ERBIN: variants seen among roughly 807,000 people sequenced by gnomAD.
ERBIN encodes densin-180-like protein.
Under a neutral mutation model 158.4 loss-of-function variants are expected in ERBIN, and 60 were observed. That is an observed-to-expected ratio of 0.38 (90% CI 0.31 to 0.47). The LOEUF (loss-of-function observed/expected upper bound fraction) is 0.47, where lower values mean the gene tolerates loss of function less well. Among genes scored for constraint, ERBIN ranks in the 20% least tolerant of loss-of-function variants. ERBIN has a pLI of 0.99. For missense variants in ERBIN, 1,610 were observed against 1,648.0 expected, an observed-to-expected ratio of 0.98 and a Z score of 0.40; for synonymous variants, 594 against 557.2, an observed-to-expected ratio of 1.07 and a Z score of -0.93.
intron 4 of ERBIN, among the ~76,000 whole-genome samples, chr5:65,999,558 A>C (rs944330476): frequency 2.0e-5 from 3 of 151,912 alleles, no homozygotes; most frequent in African/African-American, 7.3e-5. Flanking sequence ...GCTCTTTTAA[A>C]CTCTTTAGGC....
intron 7 of ERBIN, among the ~76,000 whole-genome samples, chr5:66,018,480 T>TTATATAATATATATTATATAATATAA (rs1554058765): frequency 9.1e-4 from 5 of 5,502 alleles, no homozygotes; most frequent in African/African-American, 2.4e-3. Context: ...ATATTATATA[T>TTATATAATATATATTATATAATATAA]TATATATTAT....
intron 18 of ERBIN, among the ~76,000 whole-genome samples, chr5:66,047,103 C>T (rs899856382): frequency 1.3e-5 from 2 of 152,054 alleles, no homozygotes; most frequent in African/African-American, 4.8e-5. Context: ...GAAAGAAATT[C>T]CATACTCTTT....
At chr5:65,996,354 T>C (rs186628286) in intron 4 of ERBIN, among the ~76,000 whole-genome samples, 129 of 152,088 alleles carry the variant, frequency 8.5e-4, no homozygotes, top group Non-Finnish European at 1.3e-3. Flanking sequence ...TTCATTCTTC[T>C]GCATGTGGAT....
intron 4 of ERBIN, among the ~76,000 whole-genome samples, chr5:66,007,547 A>T (rs546629184): frequency 3.6e-3 from 145 of 40,606 alleles, no homozygotes; most frequent in African/African-American, 0.011. Context: ...AAAGTATAAT[A>T]AAAAAAAAAA....
Position 66,053,405 on chromosome 5 carries a change from G to T in ERBIN, c.2088-1G>T. The T allele has an allele frequency of 2.1e-6, 3 of 1,434,630 alleles. No individual in the cohort carries two copies. The highest frequency in any genetic ancestry group is 1.8e-5 in the South Asian group (1 of 56,668). 88.9% of individuals were successfully genotyped at this position (1,434,630 alleles called of 1,614,324 possible). A position where few individuals can be genotyped will look rare whatever the true frequency, so the allele number is the denominator to read the frequency against. On this transcript the variant is annotated splice_acceptor_variant, in intron 20 of 25. Coordinates refer to ENST00000284037, the MANE Select transcript of ERBIN (RefSeq NM_001253697.2). LOFTEE classifies it high-confidence loss of function. ...TTTTCATAAAATTATCTTTATTTTA[G>T]GCAAGAAGATGAAAATTTTAACAGC...
In ERBIN at chr5:65,994,921, A is replaced by T; in HGVS notation, c.307+57A>T. On this transcript the variant is annotated intron_variant, in intron 4 of 25. Coordinates refer to ENST00000284037, the MANE Select transcript of ERBIN (RefSeq NM_001253697.2). ...CTTGGGAACATGTTTCATTACTAAG[A>T]TTTCTATTGAGTTTTCAAAAATAAA... is the stretch of plus-strand genomic sequence containing the variant. 3 of 972,538 alleles carry T rather than the reference A, an allele frequency of 3.1e-6. No individual in the cohort carries two copies. The South Asian group carries it at 4.5e-5, about 14-fold the overall frequency. 60.2% of individuals were successfully genotyped at this position (972,538 alleles called of 1,614,324 possible).
At chr5:66,060,710 A>T (rs1760186569) in intron 21 of ERBIN, among the ~76,000 whole-genome samples, 2 of 152,158 alleles carry the variant, frequency 1.3e-5, no homozygotes, top group African/African-American at 4.8e-5. Flanking sequence ...CACTGCTTTG[A>T]ATGTGTCCCA....
Position 66,008,569 on chromosome 5 carries a change from A to G in ERBIN, c.308-3480A>G, listed in dbSNP as rs544485783. On this transcript the variant is annotated intron_variant, in intron 4 of 25. Transcript: ENST00000284037. ...TTTAAAGCTCTTGAAATTGTTCTCC[A>G]TATGGTATTTTAGATCAGTAGAACA... Among the ~76,000 whole-genome samples, 3 of 152,320 alleles carry G rather than the reference A, an allele frequency of 2.0e-5. No individual in the cohort carries two copies. In the South Asian group the frequency reaches 6.2e-4, roughly 32 times the overall value.
intron 1 of ERBIN, among the ~76,000 whole-genome samples, chr5:65,932,456 A>T (rs1260513721): frequency 1.3e-5 from 2 of 152,180 alleles, no homozygotes; most frequent in African/African-American, 2.4e-5. Flanking sequence ...CTTTTGCAAC[A>T]TCAGTGTAAA....
chr5:66,053,065 T>G (rs1018739236), intron 20 of ERBIN, among the ~76,000 whole-genome samples: 4 of 152,138 alleles, frequency 2.6e-5, no homozygotes, highest in African/African-American at 9.7e-5. Context: ...CATTTTGTTT[T>G]TTTAGCACAT....
chr5:65,989,648 T>C (rs75435531), intron 2 of ERBIN, among the ~76,000 whole-genome samples: 3,017 of 152,352 alleles, frequency 0.02, 50 homozygotes, highest in South Asian at 0.047. Flanking sequence ...AATTGTCTTA[T>C]ATCTCAAGTG....
chr5:65,967,209 G>A (rs914904376), intron 1 of ERBIN, among the ~76,000 whole-genome samples: 3 of 151,936 alleles, frequency 2.0e-5, no homozygotes, highest in East Asian at 1.9e-4. Flanking sequence ...AGTTTATAAC[G>A]TTATAATAAG....
chr5:66,075,964 A>C (rs1302016436), intron 23 of ERBIN: 4 of 197,140 alleles, frequency 2.0e-5, no homozygotes, highest in Non-Finnish European at 4.1e-5. Context: ...ATGTCCCACA[A>C]GTGGAAACTG....
chr5:66,063,023 G>C (rs898380889), intron 21 of ERBIN, among the ~76,000 whole-genome samples: 8 of 152,230 alleles, frequency 5.3e-5, no homozygotes, highest in African/African-American at 1.9e-4. Context: ...CCTGTTCTCA[G>C]ATCTCAAGCT....
intron 1 of ERBIN, among the ~76,000 whole-genome samples, chr5:65,958,361 G>A (rs1747499368): frequency 6.6e-6 from 1 of 152,238 alleles, no homozygotes; most frequent in Non-Finnish European, 1.5e-5. Flanking sequence ...GACTCCATCT[G>A]CAATCCCGGC....
intron 1 of ERBIN, among the ~76,000 whole-genome samples, chr5:65,949,333 T>TA (rs1266468939): frequency 6.6e-6 from 1 of 151,888 alleles, no homozygotes; most frequent in Non-Finnish European, 1.5e-5. Context: ...ATCTGTGCTA[T>TA]AAAAAAAATA....
chr5:65,935,062 T>C (rs1251359148), intron 1 of ERBIN, among the ~76,000 whole-genome samples: 1 of 152,176 alleles, frequency 6.6e-6, no homozygotes, highest in Non-Finnish European at 1.5e-5. Context: ...TTTAGGGTAT[T>C]GTTACTCTCA....
At position 66,079,233 on chromosome 5, in the gene ERBIN, G is replaced by A. The variant is rs950557005; in HGVS notation, c.*703G>A. 6.6e-6 allele frequency: 1 copy of A among 152,488 alleles called. No homozygotes were observed. The highest frequency in any genetic ancestry group is 2.4e-5 in the African/African-American group (1 of 41,386). The allele number at this position is 152,488 out of a possible 1,614,324, so 9.4% of individuals were successfully genotyped here. On this transcript the variant is annotated 3_prime_UTR_variant, in exon 26 of 26. Coordinates refer to ENST00000284037, the MANE Select transcript of ERBIN (RefSeq NM_001253697.2). Reference sequence around the variant, plus strand: ...AGACAATAATTGCATTTATGAGCTCGGCAGGATCTGTTCTTGTCATAGCCA... The same window carrying A: ...AGACAATAATTGCATTTATGAGCTCAGCAGGATCTGTTCTTGTCATAGCCA...
Position 66,065,676 on chromosome 5 carries a change from A to T in ERBIN, c.3634-6493A>T, listed in dbSNP as rs1760921999. Among the ~76,000 whole-genome samples, 6 of 133,926 alleles carry T rather than the reference A, an allele frequency of 4.5e-5. No individual in the cohort carries two copies. The South Asian group carries it at 1.3e-3, about 28-fold the overall frequency. 87.9% of individuals were successfully genotyped at this position (133,926 alleles called of 152,430 possible). A position where few individuals can be genotyped will look rare whatever the true frequency, so the allele number is the denominator to read the frequency against. On this transcript the variant is annotated intron_variant, in intron 21 of 25. Transcript: ENST00000284037. ...GTGTGTGTGTTTTGCTTTGTATGTG[A>T]ACCAGCATCCATTTATTTGTTATCC...
Sources: allele counts gnomAD v4.1 joint callset (sites outside exome capture counted in the v4.1 genomes callset), GRCh38; gene constraint gnomAD v4.1.1; transcripts MANE v1.5; gene names NCBI Gene and HGNC (gene_info 2026-07-23, HGNC 2026-07-21).